The following SGIP1 variants were observed in gnomAD, a reference collection of about 807,000 sequenced individuals.
The protein encoded by SGIP1 is SH3-containing GRB2-like protein 3-interacting protein 1.
In SGIP1, 38 loss-of-function variants were observed where a neutral mutation model predicts 107.5. The ratio of observed to expected loss-of-function variants is 0.35; its 90% CI spans 0.27 to 0.46. The LOEUF (loss-of-function observed/expected upper bound fraction) is 0.46. Ranked by LOEUF, SGIP1 falls within the 20% of genes least tolerant of loss-of-function variation. SGIP1 has a pLI of 1.00. For synonymous variants in SGIP1, 365 were observed against 366.1 expected, an observed-to-expected ratio of 1.00 and a Z score of 0.03; for missense variants, 929 against 1,019.5, an observed-to-expected ratio of 0.91 and a Z score of 1.21.
At chr1:66,571,339 T>A (rs534298976) in intron 1 of SGIP1, among the ~76,000 whole-genome samples, 35 of 152,074 alleles carry the variant, frequency 2.3e-4, no homozygotes, top group African/African-American at 8.4e-4. Flanking sequence ...TAGTACAACA[T>A]GAGACAGTGA....
chr1:66,704,513 T>G (rs1199210837), intron 18 of SGIP1: 1 of 152,214 alleles, frequency 6.6e-6, no homozygotes, highest in African/African-American at 2.4e-5. Flanking sequence ...AATCATAGCA[T>G]TTCTGCCAAT....
chr1:66,688,870 C>A (rs1220520906), intron 15 of SGIP1, among the ~76,000 whole-genome samples: 2 of 152,080 alleles, frequency 1.3e-5, no homozygotes, highest in African/African-American at 4.8e-5. Context: ...AGTCTTAAGA[C>A]CTTACCTCTG....
At chr1:66,736,395 T>A (rs2094246378) in intron 21 of SGIP1, among the ~76,000 whole-genome samples, 1 of 3,946 alleles carries the variant, frequency 2.5e-4, no homozygotes, top group Non-Finnish European at 3.1e-3. Flanking sequence ...ATAATATATG[T>A]GAATATATTA....
At chr1:66,634,405 G>A (rs2075395040) in intron 3 of SGIP1, among the ~76,000 whole-genome samples, 1 of 152,110 alleles carries the variant, frequency 6.6e-6, no homozygotes, top group Non-Finnish European at 1.5e-5. Context: ...TATTCTCTGT[G>A]TTCTGAGCAG....
chr1:66,673,176 C>T (rs2084263860), intron 11 of SGIP1, 105 bp from the exon 12 acceptor site: 1 of 1,157,940 alleles, frequency 8.6e-7, no homozygotes, highest in South Asian at 1.3e-5. Flanking sequence ...CTGGTGCACA[C>T]ACACACTTGT....
intron 1 of SGIP1, among the ~76,000 whole-genome samples, chr1:66,565,580 A>G (rs191376755): frequency 2.6e-5 from 4 of 152,142 alleles, no homozygotes; most frequent in Non-Finnish European, 4.4e-5. Flanking sequence ...GAGAGGTATG[A>G]GCAGAAAGTA....
At chr1:66,593,582 G>T (rs891249676) in intron 1 of SGIP1, among the ~76,000 whole-genome samples, 3 of 152,288 alleles carry the variant, frequency 2.0e-5, no homozygotes, top group Admixed American at 6.5e-5. Flanking sequence ...TGAGCTACAA[G>T]GCACAATGAA....
chr1:66,671,071 G>A, intron 10 of SGIP1, 52 bp downstream of exon 10: 1 of 967,404 alleles, frequency 1.0e-6, no homozygotes, highest in Non-Finnish European at 1.6e-6. Flanking sequence ...AGAAAGAACA[G>A]TTCCTTGGAT....
At chr1:66,656,892 G>A (rs189580195) in intron 7 of SGIP1, among the ~76,000 whole-genome samples, 1 of 152,290 alleles carries the variant, frequency 6.6e-6, no homozygotes, top group African/African-American at 2.4e-5. Context: ...ATCAGATTGG[G>A]CATAGTGGCT....
chr1:66,600,117 G>A (rs2065487744), intron 1 of SGIP1, among the ~76,000 whole-genome samples: 1 of 152,148 alleles, frequency 6.6e-6, no homozygotes, highest in South Asian at 2.1e-4. Flanking sequence ...TTGTTCAGTG[G>A]CATTTAACAT....
Position 66,743,107 on chromosome 1 carries a change from G to T in SGIP1, c.*12G>T, listed in dbSNP as rs2094508922. Reference sequence around the variant, plus strand: ...TGGCAGATAACTAATGAAATCTTATGCAAGGATTTGGAGGATTCATATAAT... The same window carrying T: ...TGGCAGATAACTAATGAAATCTTATTCAAGGATTTGGAGGATTCATATAAT... On this transcript the variant is annotated 3_prime_UTR_variant, in exon 25 of 25. Transcript: ENST00000371037. The T allele has an allele frequency of 1.9e-6, 3 of 1,612,962 alleles. No individual in the cohort carries two copies. Among genetic ancestry groups the T allele is most frequent in the Non-Finnish European group, 2.5e-6 (3 of 1,179,424 alleles).
chr1:66,590,022 G>T (rs1234457297), intron 1 of SGIP1, among the ~76,000 whole-genome samples: 2 of 152,126 alleles, frequency 1.3e-5, no homozygotes, highest in African/African-American at 4.8e-5. Context: ...CTTGAGGCAG[G>T]ATTAGACTAA....
At chr1:66,690,476 G>C in intron 17 of SGIP1, 160 bp downstream of exon 17, 1 of 961,212 alleles carries the variant, frequency 1.0e-6, no homozygotes, top group South Asian at 1.6e-5. Flanking sequence ...TCTCAGCAAA[G>C]GAGGCAAAGT....
At chr1:66,623,442 G>T (rs1465104202) in intron 1 of SGIP1, among the ~76,000 whole-genome samples, 1 of 151,984 alleles carries the variant, frequency 6.6e-6, no homozygotes, top group African/African-American at 2.4e-5. Context: ...GTAGAGACGG[G>T]GTTTCACCAT....
intron 2 of SGIP1, among the ~76,000 whole-genome samples, chr1:66,631,192 A>G (rs2074605464): frequency 1.3e-5 from 2 of 152,132 alleles, no homozygotes; most frequent in African/African-American, 4.8e-5. Context: ...CTCTCCTGCT[A>G]GCCTGGGCTT....
At chr1:66,625,521 T>C (rs942800003) in intron 1 of SGIP1, among the ~76,000 whole-genome samples, 4 of 152,238 alleles carry the variant, frequency 2.6e-5, no homozygotes, top group Admixed American at 2.0e-4. Context: ...AAATCTGTGA[T>C]TTGGCTTCCT....
At chr1:66,646,503 C>T (rs2077694744) in intron 7 of SGIP1, among the ~76,000 whole-genome samples, 1 of 152,246 alleles carries the variant, frequency 6.6e-6, no homozygotes, top group South Asian at 2.1e-4. Flanking sequence ...AAGATAAAGT[C>T]GTGCCTCACT....
intron 1 of SGIP1, among the ~76,000 whole-genome samples, chr1:66,624,144 C>T (rs1010263183): frequency 1.5e-5 from 2 of 130,156 alleles, no homozygotes. Context: ...CCTGTAAAAA[C>T]CAGTGGTGAT....
At chr1:66,604,101 G>A (rs2066370337) in intron 1 of SGIP1, among the ~76,000 whole-genome samples, 1 of 152,144 alleles carries the variant, frequency 6.6e-6, no homozygotes, top group South Asian at 2.1e-4. Flanking sequence ...TGGTAACCTG[G>A]TGAAATAGGT....
Sources: allele counts gnomAD v4.1 joint callset (sites outside exome capture counted in the v4.1 genomes callset), GRCh38; gene constraint gnomAD v4.1.1; transcripts MANE v1.5; gene names NCBI Gene and HGNC (gene_info 2026-07-23, HGNC 2026-07-21).